BTBD16: variants seen among roughly 807,000 people sequenced by gnomAD.
The protein encoded by BTBD16 is BTB domain containing 16, also known as BTB/POZ domain-containing protein 16.
BTBD16 carries 66 observed loss-of-function variants against 67.4 expected under a neutral mutation model. The ratio of observed to expected loss-of-function variants is 0.98; its 90% CI spans 0.80 to 1.20. The LOEUF is 1.20. Ranked by LOEUF, BTBD16 falls within the 50% of genes most tolerant of loss-of-function variation. The probability of loss-of-function intolerance (pLI) is 0.00; values close to 1 mark genes in which losing one functional copy is unlikely to be tolerated. For missense variants in BTBD16, 634 were observed against 616.0 expected, an observed-to-expected ratio of 1.03 and a Z score of -0.31; for synonymous variants, 242 against 236.4, an observed-to-expected ratio of 1.02 and a Z score of -0.22.
intron 10 of BTBD16, among the ~76,000 whole-genome samples, chr10:122,317,882 T>C (rs1318310020): frequency 6.6e-6 from 1 of 151,340 alleles, no homozygotes; most frequent in African/African-American, 2.4e-5. Flanking sequence ...GGCTGTGAAC[T>C]TTTTTTTTAT....
chr10:122,309,755 G>A (rs2096410371), intron 10 of BTBD16, among the ~76,000 whole-genome samples: 1 of 150,184 alleles, frequency 6.7e-6, no homozygotes, highest in South Asian at 2.1e-4. Context: ...TTACAAGCAT[G>A]AGCCACTGTG....
intron 9 of BTBD16, among the ~76,000 whole-genome samples, chr10:122,299,944 T>A (rs2096390784): frequency 6.6e-6 from 1 of 152,162 alleles, no homozygotes; most frequent in Non-Finnish European, 1.5e-5. Flanking sequence ...GGGCCCCCCC[T>A]GAAACTTCCC....
At chr10:122,311,228 T>C (rs1460025308) in intron 10 of BTBD16, among the ~76,000 whole-genome samples, 1 of 152,226 alleles carries the variant, frequency 6.6e-6, no homozygotes, top group Non-Finnish European at 1.5e-5. Context: ...GCCAGATGTT[T>C]AGAAACAACT....
chr10:122,297,124 T>C (rs2096384750), intron 7 of BTBD16, among the ~76,000 whole-genome samples: 1 of 152,264 alleles, frequency 6.6e-6, no homozygotes, highest in African/African-American at 2.4e-5. Flanking sequence ...TCTTTAACTT[T>C]TTAACCCTTA....
At chr10:122,275,149 C>T (rs367945813) in intron 2 of BTBD16, 50 bp downstream of exon 2, 29 of 1,577,120 alleles carry the variant, frequency 1.8e-5, no homozygotes, top group African/African-American at 1.3e-4. Flanking sequence ...GAAGCATTTG[C>T]TTATGGTCAT....
intron 15 of BTBD16, among the ~76,000 whole-genome samples, chr10:122,337,687 G>T (rs2096465407): frequency 6.6e-6 from 1 of 152,096 alleles, no homozygotes; most frequent in Admixed American, 6.5e-5. Context: ...GGATGGTCTC[G>T]ATCTCCTGAC....
intron 9 of BTBD16, among the ~76,000 whole-genome samples, chr10:122,299,708 C>T (rs1425298211): frequency 6.6e-6 from 1 of 152,062 alleles, no homozygotes; most frequent in Non-Finnish European, 1.5e-5. Flanking sequence ...ATACCCCAAC[C>T]CTGAGGTCAT....
At position 122,273,221 on chromosome 10, in the gene BTBD16, G is replaced by GATAGATATAT. The variant is rs1034902866; in HGVS notation, c.-43+1710_-43+1711insGATATATATA. On this transcript the variant is annotated intron_variant, in intron 1 of 15. Coordinates refer to ENST00000260723, the MANE Select transcript of BTBD16 (RefSeq NM_144587.5). ...ATAGAAATAAAAACAGCAACACAAAGATATATATATATATATATATATATA... is the reference window on the plus strand; with the variant it reads ...ATAGAAATAAAAACAGCAACACAAAGATAGATATATATATATATATATATATATATATATA... 1.2e-4 allele frequency among the ~76,000 whole-genome samples: 15 copies of GATAGATATAT among 129,470 alleles called. 1 individual carries two copies. Among genetic ancestry groups the GATAGATATAT allele is most frequent in the African/African-American group, 4.3e-4 (15 of 35,148 alleles). The allele number at this position is 129,470 out of a possible 152,430, so 84.9% of individuals were successfully genotyped here. A position where few individuals can be genotyped will look rare whatever the true frequency, so the allele number is the denominator to read the frequency against.
intron 5 of BTBD16, among the ~76,000 whole-genome samples, chr10:122,288,642 A>G (rs2096368178): frequency 6.6e-6 from 1 of 152,170 alleles, no homozygotes; most frequent in African/African-American, 2.4e-5. Context: ...GCTTGGGGGA[A>G]AAGCACAACA....
intron 1 of BTBD16, among the ~76,000 whole-genome samples, chr10:122,274,179 A>C (rs933483555): frequency 1.1e-4 from 16 of 152,354 alleles, no homozygotes; most frequent in African/African-American, 3.6e-4. Context: ...GGAACTACCC[A>C]GTCCCCAGTG....
Position 122,332,435 on chromosome 10 carries a change from G to A in BTBD16, c.1087-1G>A. ...GTCAGCTGTGTGCATTTTCCTTTCA[G>A]CTGGAGAATGGGGGCGACATGGTCC... On this transcript the variant is annotated splice_acceptor_variant, in intron 12 of 15. Transcript: ENST00000260723. LOFTEE classifies it high-confidence loss of function. 6.2e-7 allele frequency: 1 copy of A among 1,613,964 alleles called. No homozygotes were observed. Among genetic ancestry groups the A allele is most frequent in the African/African-American group, 1.3e-5 (1 of 75,016 alleles).
chr10:122,328,576 C>T (rs1483340006), intron 10 of BTBD16, among the ~76,000 whole-genome samples: 1 of 152,174 alleles, frequency 6.6e-6, no homozygotes, highest in Non-Finnish European at 1.5e-5. Context: ...GCCCTCTGTC[C>T]AGCTGGGACA....
At chr10:122,277,193 T>A (rs2096342735) in intron 3 of BTBD16, among the ~76,000 whole-genome samples, 1 of 150,324 alleles carries the variant, frequency 6.7e-6, no homozygotes, top group African/African-American at 2.4e-5. Flanking sequence ...TTCTTCCCAG[T>A]GGGAACTTTG....
At chr10:122,280,010 T>G (rs1232021881) in intron 3 of BTBD16, among the ~76,000 whole-genome samples, 1 of 152,144 alleles carries the variant, frequency 6.6e-6, no homozygotes, top group Admixed American at 6.5e-5. Flanking sequence ...CGCAGGGAGT[T>G]CCTGGTCAGC....
chr10:122,330,644 A>G (rs2096453647), intron 11 of BTBD16, among the ~76,000 whole-genome samples: 1 of 152,190 alleles, frequency 6.6e-6, no homozygotes. Flanking sequence ...TTTAAACTGA[A>G]GTTGAAATGG....
Position 122,310,992 on chromosome 10 carries a change from C to G in BTBD16, c.911+3684C>G, listed in dbSNP as rs151035758. 3.2e-3 allele frequency among the ~76,000 whole-genome samples: 463 copies of G among 145,218 alleles called. 1 individual carries two copies. The highest frequency in any genetic ancestry group is 4.3e-3 in the Non-Finnish European group (285 of 66,760). On this transcript the variant is annotated intron_variant, in intron 10 of 15. Transcript: ENST00000260723. ...CAGACGCCCCTTTCCTCATCTGTCTCAGCAGTGTCCGGAAGACAGGCTAGG... is the reference window on the plus strand; with the variant it reads ...CAGACGCCCCTTTCCTCATCTGTCTGAGCAGTGTCCGGAAGACAGGCTAGG...
At chr10:122,336,121 A>G (rs919297111) in intron 14 of BTBD16, among the ~76,000 whole-genome samples, 3 of 152,054 alleles carry the variant, frequency 2.0e-5, no homozygotes, top group African/African-American at 7.3e-5. Flanking sequence ...GTCCCCACTG[A>G]CTCAGGCATC....
Position 122,334,861 on chromosome 10 carries a change from G to A in BTBD16, c.1165-20G>A. The A allele has an allele frequency of 6.9e-7, 1 of 1,449,042 alleles. No individual in the cohort carries two copies. Among genetic ancestry groups the A allele is most frequent in the Non-Finnish European group, 9.7e-7 (1 of 1,034,082 alleles). The allele number at this position is 1,449,042 out of a possible 1,614,324, so 89.8% of individuals were successfully genotyped here. On this transcript the variant is annotated intron_variant, in intron 13 of 15. Coordinates refer to ENST00000260723, the MANE Select transcript of BTBD16 (RefSeq NM_144587.5). Reference sequence around the variant, plus strand: ...AATATTTTCCCCCCTTCACTTTGTTGTTTCTCTTTCCCAATTTAGGAGAAT... The same window carrying A: ...AATATTTTCCCCCCTTCACTTTGTTATTTCTCTTTCCCAATTTAGGAGAAT...
At chr10:122,291,337 G>A (rs1167445495) in intron 7 of BTBD16, 143 bp downstream of exon 7, 2 of 1,088,330 alleles carry the variant, frequency 1.8e-6, no homozygotes, top group Non-Finnish European at 2.5e-6. Flanking sequence ...CTTGAGCCTG[G>A]AAAGGAACTG....
Sources: gnomAD v4.1 joint callset for allele counts (sites outside exome capture counted in the v4.1 genomes callset) on GRCh38, gnomAD v4.1.1 for gene constraint, MANE v1.5 for transcripts, NCBI Gene and HGNC (gene_info 2026-07-23, HGNC 2026-07-21) for gene names.